The following TRPS1 variants were observed in gnomAD, a reference collection of about 807,000 sequenced individuals.
The protein encoded by TRPS1 is zinc finger transcription factor Trps1.
Under a neutral mutation model 101.2 loss-of-function variants are expected in TRPS1, and 6 were observed. That is an observed-to-expected ratio of 0.06 (90% CI 0.03 to 0.12). The LOEUF (loss-of-function observed/expected upper bound fraction) is 0.12, where lower values mean the gene tolerates loss of function less well. Among genes scored for constraint, TRPS1 ranks in the 10% least tolerant of loss-of-function variants. The pLI is 1.00. For synonymous variants in TRPS1, 578 were observed against 589.8 expected (o/e 0.98, Z 0.29); for missense variants, 1,363 against 1,567.0 (o/e 0.87, Z 2.20).
chr8:115,436,043 C>CAT (rs1813443719), intron 5 of TRPS1, among the ~76,000 whole-genome samples: 1 of 144,344 alleles, frequency 6.9e-6, no homozygotes, highest in African/African-American at 2.5e-5. Flanking sequence ...CACACACACA[C>CAT]ATTCAGCTAA....
intron 3 of TRPS1, among the ~76,000 whole-genome samples, chr8:115,616,933 C>T (rs556896362): frequency 3.1e-4 from 47 of 152,204 alleles, no homozygotes; most frequent in Non-Finnish European, 4.1e-4. Context: ...TCATTTTATG[C>T]ATATAGAAAA....
At chr8:115,552,564 T>C (rs537743412) in intron 5 of TRPS1, among the ~76,000 whole-genome samples, 1 of 152,240 alleles carries the variant, frequency 6.6e-6, no homozygotes, top group Non-Finnish European at 1.5e-5. Context: ...ATACAGCAAA[T>C]GACCATCATT....
chr8:115,640,577 C>T (rs577086844), intron 1 of TRPS1, among the ~76,000 whole-genome samples: 1 of 152,334 alleles, frequency 6.6e-6, no homozygotes, highest in East Asian at 1.9e-4. Flanking sequence ...CTAATATGAA[C>T]ACGCATAAAA....
intron 3 of TRPS1, among the ~76,000 whole-genome samples, chr8:115,612,897 C>A (rs1427965821): frequency 6.6e-6 from 1 of 152,142 alleles, no homozygotes; most frequent in East Asian, 1.9e-4. Context: ...TGCTTCCACA[C>A]CCATTCCTGC....
At chr8:115,624,104 G>A (rs1011134286) in intron 1 of TRPS1, among the ~76,000 whole-genome samples, 1 of 151,554 alleles carries the variant, frequency 6.6e-6, no homozygotes, top group African/African-American at 2.4e-5. Flanking sequence ...ACCAGCAAAT[G>A]CTTTTATAGG....
At position 115,550,018 on chromosome 8, in the gene TRPS1, C is replaced by G. The variant is rs1237510993; in HGVS notation, c.2700+36983G>C. Among the ~76,000 whole-genome samples the G allele has an allele frequency of 2.6e-5, 4 of 152,280 alleles. No individual in the cohort carries two copies. In the East Asian group the frequency reaches 7.7e-4, roughly 29 times the overall value. On this transcript the variant is annotated intron_variant, in intron 5 of 6. Coordinates refer to ENST00000395715, the MANE Select transcript of TRPS1 (RefSeq NM_014112.5). ...ATCACCTGAGGTCAGGAGTTTGAGA[C>G]CAGCCTGACCAACATGGCGAAACCC...
intron 1 of TRPS1, chr8:115,668,016 C>A: frequency 9.6e-7 from 1 of 1,044,264 alleles, no homozygotes; most frequent in Admixed American, 2.1e-5. Flanking sequence ...TTAAAATCAG[C>A]CAGAAAGAGA....
At chr8:115,496,724 C>T (rs1815157916) in intron 5 of TRPS1, among the ~76,000 whole-genome samples, 1 of 152,012 alleles carries the variant, frequency 6.6e-6, no homozygotes, top group Non-Finnish European at 1.5e-5. Flanking sequence ...ATTTCACAAC[C>T]ACAACAACAA....
chr8:115,470,312 T>C (rs185919826), intron 5 of TRPS1, among the ~76,000 whole-genome samples: 117 of 152,330 alleles, frequency 7.7e-4, no homozygotes, highest in African/African-American at 2.7e-3. Flanking sequence ...CTATGCAAGA[T>C]CTGATAGCTA....
intron 5 of TRPS1, among the ~76,000 whole-genome samples, chr8:115,564,713 C>T (rs1326071590): frequency 6.6e-6 from 1 of 152,188 alleles, no homozygotes; most frequent in East Asian, 1.9e-4. Flanking sequence ...AATATTGGTA[C>T]CCCAAGATTT....
intron 5 of TRPS1, among the ~76,000 whole-genome samples, chr8:115,486,834 T>C (rs906671763): frequency 1.1e-4 from 17 of 152,168 alleles, no homozygotes; most frequent in African/African-American, 4.1e-4. Context: ...GCCATCTCCA[T>C]ATAAAAGTAT....
chr8:115,623,660 AATT>A lies in TRPS1; in HGVS notation c.-26_-24del, dbSNP rs1233906339. ...CATGTGGCTTTAGAGTGCTTTTTAC[AATT>A]ATTAATTCTATTAGTCAACTAGCAG... On this transcript the variant is annotated 5_prime_UTR_variant, in exon 2 of 7. Coordinates refer to ENST00000395715, the MANE Select transcript of TRPS1 (RefSeq NM_014112.5). The A allele has an allele frequency of 1.9e-6, 3 of 1,610,648 alleles. No individual in the cohort carries two copies. In the South Asian group the frequency reaches 3.3e-5, roughly 18 times the overall value.
chr8:115,657,435 G>A (rs73703359), intron 1 of TRPS1, among the ~76,000 whole-genome samples: 11,665 of 152,044 alleles, frequency 0.077, 1,346 homozygotes, highest in African/African-American at 0.25. Flanking sequence ...TCATAAATAC[G>A]TTAAGAAGCC....
Position 115,604,400 on chromosome 8 carries a change from G to A in TRPS1, c.1569C>T (p.Phe523=), listed in dbSNP as rs1282057782. ...KSSSGAKKKD[F]SSKGAEDNMV... is the part of the protein sequence containing the mutation. ...TATTATCCTCGGCTCCCTTGCTGGA[G>A]AAGTCCTTCTTTTTAGCCCCACTCG... is the stretch of plus-strand genomic sequence containing the variant. Residue 523 remains phenylalanine, a synonymous_variant, in exon 4 of 7, where the codon TTC becomes TTT. Coordinates refer to ENST00000395715, the MANE Select transcript of TRPS1 (RefSeq NM_014112.5). The surrounding 1 kb of genome is among the most constrained non-coding windows in gnomAD (Gnocchi z 4.1). 2 of 1,613,962 alleles carry A rather than the reference G, an allele frequency of 1.2e-6. No homozygotes were observed. The highest frequency in any genetic ancestry group is 1.3e-5 in the African/African-American group (1 of 74,898).
intron 1 of TRPS1, among the ~76,000 whole-genome samples, chr8:115,648,695 A>ATTT (rs80001034): frequency 0.45 from 68,916 of 151,808 alleles, 17,569 homozygotes; most frequent in African/African-American, 0.69. Flanking sequence ...TATTATTATT[A>ATTT]TTTTATTTCT....
intron 1 of TRPS1, among the ~76,000 whole-genome samples, chr8:115,647,030 C>A (rs577892633): frequency 1.3e-5 from 2 of 152,028 alleles, no homozygotes; most frequent in East Asian, 3.9e-4. Flanking sequence ...TTAAAATTAA[C>A]GAAGAAATCA....
rs1812979786 is a variant in TRPS1 at position 115,418,630 on chromosome 8, T to G, written c.2701-178A>C. 2.6e-5 allele frequency among the ~76,000 whole-genome samples: 4 copies of G among 152,218 alleles called. No homozygotes were observed. The highest frequency in any genetic ancestry group is 2.6e-4 in the Admixed American group (4 of 15,282). ...AGGCACCACTGATTTTCATTATAAT[T>G]AACCCTACAGTGATGGATGAGGTGT... On this transcript the variant is annotated intron_variant, in intron 5 of 6. Transcript: ENST00000395715. This position sits in a 1 kb window ranked among gnomAD's most constrained non-coding sequence, Gnocchi z 4.3.
rs1333947507 is a variant in TRPS1 at position 115,604,968 on chromosome 8, C to T, written c.1001G>A (p.Arg334Gln). The stretch of plus-strand genomic sequence containing the variant: ...GTTCCCTTGGCAATCTGGTGTTTTC[C>T]GTCCAATGCCAATGAATGTTCCACC... ...TSGGTFIGIGRKTPDCQGNTK... is the reference protein window; with the variant it reads ...TSGGTFIGIGQKTPDCQGNTK... The change falls in exon 4 of 7, where the codon CGG (arginine) becomes CAG (glutamine). Residue 334 changes from arginine (R) to glutamine (Q), a missense_variant. Transcript: ENST00000395715. This position sits in a 1 kb window ranked among gnomAD's most constrained non-coding sequence, Gnocchi z 4.1. The T allele has an allele frequency of 2.5e-6, 4 of 1,613,702 alleles. No individual in the cohort carries two copies. The highest frequency in any genetic ancestry group is 2.2e-5 in the South Asian group (2 of 91,064).
chr8:115,427,851 G>A (rs770118220), intron 5 of TRPS1, among the ~76,000 whole-genome samples: 2 of 142,818 alleles, frequency 1.4e-5, no homozygotes, highest in African/African-American at 5.1e-5. Context: ...GGGCAGTGCT[G>A]GGGAGGGGGG....
Sources: gnomAD v4.1 joint callset for allele counts (sites outside exome capture counted in the v4.1 genomes callset) on GRCh38, gnomAD v4.1.1 for gene constraint, Gnocchi (gnomAD v3.1) non-coding constraint, MANE v1.5 for transcripts, NCBI Gene and HGNC (gene_info 2026-07-23, HGNC 2026-07-21) for gene names.